FARP1: variants seen among roughly 807,000 people sequenced by gnomAD.
FARP1 encodes FERM, ARH/RhoGEF and pleckstrin domain protein 1, also known as FERM, ARHGEF and pleckstrin domain-containing protein 1.
In FARP1, 52 loss-of-function variants were observed where a neutral mutation model predicts 128.8. That is an observed-to-expected ratio of 0.40 (90% confidence interval 0.32 to 0.51). FARP1 has a LOEUF of 0.51. Ranked by LOEUF, FARP1 falls within the 20% of genes least tolerant of loss-of-function variation. FARP1 has a pLI of 0.45. For missense variants in FARP1, 1,333 were observed against 1,367.9 expected (o/e 0.97, Z 0.40); for synonymous variants, 580 against 551.8 (o/e 1.05, Z -0.72).
chr13:98,276,552 G>A (rs1884662993), intron 2 of FARP1, among the ~76,000 whole-genome samples: 1 of 145,714 alleles, frequency 6.9e-6, no homozygotes, highest in South Asian at 2.5e-4. Flanking sequence ...AGGGTAGAGG[G>A]GATGTGGATA....
intron 13 of FARP1, chr13:98,399,801 T>G (rs1192887996): frequency 1.3e-5 from 2 of 152,242 alleles, no homozygotes; most frequent in African/African-American, 4.8e-5. Context: ...TAATATCTTT[T>G]GTTGGATATT....
At chr13:98,433,775 G>GTCCTGGCCACCACCTCCTTGGCCAT (rs2139071984) in intron 18 of FARP1, 1 of 152,552 alleles carries the variant, frequency 6.6e-6, no homozygotes, top group African/African-American at 2.4e-5. Flanking sequence ...TCTGCTTAGA[G>GTCCTGGCCACCACCTCCTTGGCCAT]TCCTGGCCAC....
chr13:98,224,252 G>A (rs2139373980), intron 2 of FARP1, among the ~76,000 whole-genome samples: 1 of 152,302 alleles, frequency 6.6e-6, no homozygotes, highest in East Asian at 1.9e-4. Flanking sequence ...TTACGGCCAG[G>A]CGTGGTGGCT....
chr13:98,359,850 A>G (rs1440212953), intron 3 of FARP1, among the ~76,000 whole-genome samples: 2 of 152,200 alleles, frequency 1.3e-5, no homozygotes, highest in African/African-American at 4.8e-5. Context: ...ATGATGTGCA[A>G]AGCACACATG....
Position 98,395,180 on chromosome 13 carries a change from T to C in FARP1, c.1165-47T>C, listed in dbSNP as rs775496580. 3 of 1,538,958 alleles carry C rather than the reference T, an allele frequency of 1.9e-6. No homozygotes were observed. In the Admixed American group the frequency reaches 5.9e-5, roughly 30 times the overall value. On this transcript the variant is annotated intron_variant, in intron 12 of 26. Coordinates refer to ENST00000319562, the MANE Select transcript of FARP1 (RefSeq NM_005766.4). ...TCTGTTTTCAGCCTTGGAATAACAG[T>C]CTCCCTCTTCTCTATCTCTCCGCAC...
At chr13:98,243,181 T>A (rs1249609278) in intron 2 of FARP1, among the ~76,000 whole-genome samples, 11 of 152,140 alleles carry the variant, frequency 7.2e-5, no homozygotes, top group Non-Finnish European at 4.4e-5. Context: ...CCATAAAAAA[T>A]TAATAATATT....
At chr13:98,162,676 C>A (rs1037607119) in intron 1 of FARP1, among the ~76,000 whole-genome samples, 5 of 152,118 alleles carry the variant, frequency 3.3e-5, no homozygotes, top group Non-Finnish European at 7.3e-5. Flanking sequence ...CTTCATCTAC[C>A]TTTGACTTCT....
At chr13:98,267,935 T>TA (rs1316952924) in intron 2 of FARP1, among the ~76,000 whole-genome samples, 25 of 127,226 alleles carry the variant, frequency 2.0e-4, no homozygotes, top group Admixed American at 4.1e-4. Flanking sequence ...CACGGATACT[T>TA]AAAAAAATCT....
At chr13:98,148,891 CT>C (rs112202329) in intron 1 of FARP1, among the ~76,000 whole-genome samples, 126 of 145,730 alleles carry the variant, frequency 8.6e-4, no homozygotes, top group South Asian at 1.5e-3. Flanking sequence ...CTCTCTTTTA[CT>C]TTTTTTTTTT....
chr13:98,298,734 G>A (rs1015495792), intron 2 of FARP1, among the ~76,000 whole-genome samples: 1 of 152,138 alleles, frequency 6.6e-6, no homozygotes, highest in African/African-American at 2.4e-5. Flanking sequence ...GGCCTTCTAG[G>A]AGCTTAGAGC....
At position 98,385,802 on chromosome 13, in the gene FARP1, T is replaced by G. The variant is rs1486846885; in HGVS notation, c.747T>G (p.Ile249Met). ...ATCTGGCCGTTGCCAACACGGGAAT[T>G]CTAGTGTTTCAGGTGAGAGCCTTGA... ...KINLAVANTG[I>M]LVFQGFTKIN... Residue 249 changes from isoleucine to methionine, a missense_variant, in exon 8 of 27, where the codon ATT becomes ATG. Ile to Met is a conservative substitution (Grantham distance 10, BLOSUM62 1). Coordinates refer to ENST00000319562, the MANE Select transcript of FARP1 (RefSeq NM_005766.4). 19 of 1,613,996 alleles carry G rather than the reference T, an allele frequency of 1.2e-5. No individual in the cohort carries two copies. Among genetic ancestry groups the G allele is most frequent in the Non-Finnish European group, 1.6e-5 (19 of 1,180,040 alleles).
intron 2 of FARP1, among the ~76,000 whole-genome samples, chr13:98,238,566 G>GA (rs1257681760): frequency 1.3e-5 from 2 of 152,202 alleles, no homozygotes; most frequent in Admixed American, 6.5e-5. Context: ...CAAAGGAGGA[G>GA]AAAGGCATGT....
At chr13:98,254,411 T>C (rs1594325217) in intron 2 of FARP1, among the ~76,000 whole-genome samples, 1 of 152,300 alleles carries the variant, frequency 6.6e-6, no homozygotes, top group South Asian at 2.1e-4. Flanking sequence ...TTAATAATGG[T>C]GCCTGCAAAA....
chr13:98,301,086 A>C (rs1271148342), intron 2 of FARP1, among the ~76,000 whole-genome samples: 1 of 152,200 alleles, frequency 6.6e-6, no homozygotes, highest in Non-Finnish European at 1.5e-5. Context: ...TCTTGAGGAA[A>C]GAGGCCAAGG....
Position 98,176,614 on chromosome 13 carries a change from C to A in FARP1, c.-24+33122C>A. 6.2e-7 allele frequency: 1 copy of A among 1,614,226 alleles called. No individual in the cohort carries two copies. Among genetic ancestry groups the A allele is most frequent in the Admixed American group, 1.7e-5 (1 of 60,024 alleles). On this transcript the variant is annotated intron_variant, in intron 1 of 26. Transcript: ENST00000319562. This position sits in a 1 kb window ranked among gnomAD's most constrained non-coding sequence, Gnocchi z 6.2. ...GTCGTGGAGGAATTTGCAGCTGTCCCCGAAGCCACAGAAGCCAGTCTCCTT... is the reference window on the plus strand; with the variant it reads ...GTCGTGGAGGAATTTGCAGCTGTCCACGAAGCCACAGAAGCCAGTCTCCTT...
Position 98,446,699 on chromosome 13 carries a change from G to A in FARP1, c.2938G>A (p.Gly980Ser), listed in dbSNP as rs200545303. The A allele has an allele frequency of 1.2e-5, 20 of 1,613,896 alleles. No homozygotes were observed. In the East Asian group the frequency reaches 2.0e-4, roughly 16 times the overall value. Residue 980 changes from glycine to serine, a missense_variant, in exon 26 of 27, where the codon GGC (glycine) becomes AGC (serine). This residue lies in a region of FARP1 where 1,009 missense variants were observed against 969.8 expected (regional missense o/e 1.04). Coordinates refer to ENST00000319562, the MANE Select transcript of FARP1 (RefSeq NM_005766.4). ...NHPLASLPLL[G>S]YSLTIPSESE... ...TCCCCTTGCCAGCCTGCCTCTGCTC[G>A]GCTACTCGCTCACCATCCCCTCTGA...
rs1345088159 is a variant in FARP1, at chr13:98,449,972, G to A, written c.*1655G>A. The A allele has an allele frequency of 1.3e-5, 2 of 152,218 alleles. No homozygotes were observed. Among genetic ancestry groups the A allele is most frequent in the African/African-American group, 4.8e-5 (2 of 41,452 alleles). The allele number at this position is 152,218 out of a possible 1,614,324, so 9.4% of individuals were successfully genotyped here. On this transcript the variant is annotated 3_prime_UTR_variant, in exon 27 of 27. Transcript: ENST00000319562. The stretch of plus-strand genomic sequence containing the variant: ...ACACAGCAGCATCAGGCTCCCTCCA[G>A]AAGTCACCACTCACTCATTCCTGGA...
chr13:98,302,266 A>G (rs1294789856), intron 2 of FARP1, among the ~76,000 whole-genome samples: 1 of 152,210 alleles, frequency 6.6e-6, no homozygotes, highest in Non-Finnish European at 1.5e-5. Context: ...TGTAAAATCT[A>G]CCATGAATGG....
chr13:98,254,263 G>A (rs763371635), intron 2 of FARP1, among the ~76,000 whole-genome samples: 94 of 152,250 alleles, frequency 6.2e-4, no homozygotes, highest in Non-Finnish European at 3.1e-4. Context: ...TGAGGTTGAA[G>A]TTGAAGAGAG....
Sources: gnomAD v4.1 joint callset for allele counts (sites outside exome capture counted in the v4.1 genomes callset) on GRCh38, gnomAD v4.1.1 for gene constraint, gnomAD v4.1.1 regional missense constraint, Gnocchi (gnomAD v3.1) non-coding constraint, MANE v1.5 for transcripts, NCBI Gene and HGNC (gene_info 2026-07-23, HGNC 2026-07-21) for gene names.